RALGPS1: variants seen among roughly 807,000 people sequenced by gnomAD.
RALGPS1 encodes the protein Ral GEF with PH domain and SH3 binding motif 1.
In RALGPS1, 19 loss-of-function variants were observed where a neutral mutation model predicts 78.8. That is an observed-to-expected ratio of 0.24 (90% CI 0.17 to 0.35). The LOEUF is 0.35. RALGPS1 is among the 10% of genes least tolerant of loss of function. The pLI is 1.00. For synonymous variants in RALGPS1, 228 were observed against 256.3 expected (o/e 0.89, Z 1.06); for missense variants, 454 against 688.3 (o/e 0.66, Z 3.81).
chr9:126,992,530 A>T (rs1329983992), intron 4 of RALGPS1, among the ~76,000 whole-genome samples: 1 of 152,228 alleles, frequency 6.6e-6, no homozygotes, highest in Non-Finnish European at 1.5e-5. Flanking sequence ...TTTTAGGATC[A>T]ACTTGTTAAG....
At chr9:127,050,602 G>T (rs1233532863) in intron 6 of RALGPS1, among the ~76,000 whole-genome samples, 2 of 152,180 alleles carry the variant, frequency 1.3e-5, no homozygotes, top group Non-Finnish European at 2.9e-5. Flanking sequence ...TCAGGTCTGG[G>T]CCAGATGACT....
chr9:126,925,789 G>A (rs1217191229), intron 1 of RALGPS1, among the ~76,000 whole-genome samples: 1 of 152,144 alleles, frequency 6.6e-6, no homozygotes, highest in Admixed American at 6.5e-5. Context: ...TTTCCTGCTA[G>A]GGGAGTCAGA....
At position 126,923,970 on chromosome 9, in the gene RALGPS1, G is replaced by A. The variant is rs571828751; in HGVS notation, c.-66+8995G>A. On this transcript the variant is annotated intron_variant, in intron 1 of 18. Coordinates refer to ENST00000259351, the MANE Select transcript of RALGPS1 (RefSeq NM_014636.3). ...ATCTGCTATGGGACACTTTGGCAAT[G>A]AGCATCACTATGGCCTTTGTGCTTA... 3.9e-5 allele frequency among the ~76,000 whole-genome samples: 6 copies of A among 152,346 alleles called. No individual in the cohort carries two copies. The South Asian group carries it at 1.2e-3, about 32-fold the overall frequency.
chr9:127,096,890 C>T (rs1422301475), intron 8 of RALGPS1, among the ~76,000 whole-genome samples: 1 of 152,174 alleles, frequency 6.6e-6, no homozygotes, highest in Non-Finnish European at 1.5e-5. Flanking sequence ...GGTGACCCTC[C>T]TGACACTCCT....
At chr9:127,168,175 G>A (rs1220015827) in intron 9 of RALGPS1, among the ~76,000 whole-genome samples, 1 of 152,216 alleles carries the variant, frequency 6.6e-6, no homozygotes, top group Non-Finnish European at 1.5e-5. Context: ...GGGTGCAGCA[G>A]CTCCAGTCAT....
At chr9:126,934,331 T>G (rs1199851758) in intron 1 of RALGPS1, among the ~76,000 whole-genome samples, 2 of 152,230 alleles carry the variant, frequency 1.3e-5, no homozygotes, top group Non-Finnish European at 2.9e-5. Context: ...GAAAGAGATG[T>G]GCTGGGAAGG....
At chr9:127,136,193 T>G (rs907988346) in intron 8 of RALGPS1, among the ~76,000 whole-genome samples, 24 of 152,164 alleles carry the variant, frequency 1.6e-4, no homozygotes, top group African/African-American at 5.8e-4. Flanking sequence ...CCAAGGAGTC[T>G]CTGCACACTC....
At position 127,182,360 on chromosome 9, in the gene RALGPS1, TCCTTCCTTCCTCCCTCCCTCCCTC is replaced by T. The variant is rs1357389563; in HGVS notation, c.910+7582_910+7605del. ...TTCCTTCCTTCCTTCCTCCCTTCCT[TCCTTCCTTCCTCCCTCCCTCCCTC>T]CCTCCCTCCCTCCCTTCCTTCCTCC... On this transcript the variant is annotated intron_variant, in intron 11 of 18. Transcript: ENST00000259351. 1.8e-3 allele frequency among the ~76,000 whole-genome samples: 77 copies of T among 43,476 alleles called. 1 individual carries two copies. Among genetic ancestry groups the T allele is most frequent in the East Asian group, 7.0e-3 (12 of 1,706 alleles). The allele number at this position is 43,476 out of a possible 152,430, so 28.5% of individuals were successfully genotyped here. A position where few individuals can be genotyped will look rare whatever the true frequency, so the allele number is the denominator to read the frequency against.
At chr9:126,947,109 T>G (rs2037350217) in intron 1 of RALGPS1, among the ~76,000 whole-genome samples, 1 of 152,168 alleles carries the variant, frequency 6.6e-6, no homozygotes, top group Admixed American at 6.6e-5. Context: ...TTTCATTGCC[T>G]CCCCTTCAAA....
intron 7 of RALGPS1, among the ~76,000 whole-genome samples, chr9:127,068,527 G>A (rs1242542140): frequency 2.6e-5 from 4 of 152,172 alleles, no homozygotes; most frequent in African/African-American, 7.2e-5. Flanking sequence ...GGGCCAGGTC[G>A]CTTTGGGGGA....
At chr9:126,931,301 G>A (rs2035765876) in intron 1 of RALGPS1, among the ~76,000 whole-genome samples, 1 of 152,186 alleles carries the variant, frequency 6.6e-6, no homozygotes, top group Non-Finnish European at 1.5e-5. Context: ...AAGAAGAGAG[G>A]GAGGATGACT....
At chr9:127,175,654 G>A (rs2059820006) in intron 11 of RALGPS1, among the ~76,000 whole-genome samples, 1 of 145,182 alleles carries the variant, frequency 6.9e-6, no homozygotes, top group South Asian at 2.2e-4. Flanking sequence ...TCTTGGACAA[G>A]TGACTTAACC....
At chr9:127,168,518 G>A (rs2059404012) in intron 9 of RALGPS1, among the ~76,000 whole-genome samples, 161 bp from the exon 10 acceptor site, 1 of 152,206 alleles carries the variant, frequency 6.6e-6, no homozygotes, top group Non-Finnish European at 1.5e-5. Flanking sequence ...TGTTCCAGTG[G>A]CCAGCACAGG....
At chr9:127,109,932 C>T (rs2054627206) in intron 8 of RALGPS1, among the ~76,000 whole-genome samples, 1 of 152,188 alleles carries the variant, frequency 6.6e-6, no homozygotes, top group South Asian at 2.1e-4. Flanking sequence ...AGGACACGTG[C>T]TAGATCCCTT....
chr9:127,007,126 A>C (rs149418195), intron 4 of RALGPS1, among the ~76,000 whole-genome samples: 3 of 152,222 alleles, frequency 2.0e-5, no homozygotes, highest in African/African-American at 7.2e-5. Flanking sequence ...CAGGGACCAC[A>C]TCTGTGTGTC....
At chr9:127,173,056 C>G (rs1404079522) in intron 10 of RALGPS1, among the ~76,000 whole-genome samples, 1 of 152,098 alleles carries the variant, frequency 6.6e-6, no homozygotes, top group Non-Finnish European at 1.5e-5. Context: ...GCTGGGAGGT[C>G]CAGGGGTTTT....
chr9:126,965,092 C>A (rs1330255775), intron 2 of RALGPS1, among the ~76,000 whole-genome samples: 1 of 152,194 alleles, frequency 6.6e-6, no homozygotes, highest in East Asian at 1.9e-4. Flanking sequence ...TTCGTGAAAT[C>A]AGCCACATTT....
intron 1 of RALGPS1, among the ~76,000 whole-genome samples, chr9:126,932,334 A>T (rs571905192): frequency 1.3e-5 from 2 of 152,318 alleles, no homozygotes; most frequent in Admixed American, 6.5e-5. Context: ...GACATCATCT[A>T]TCAAAGCTGA....
intron 4 of RALGPS1, among the ~76,000 whole-genome samples, chr9:127,027,798 C>A (rs982555747): frequency 2.0e-5 from 3 of 152,228 alleles, no homozygotes; most frequent in African/African-American, 7.2e-5. Context: ...AGAGCGTGGG[C>A]TCTGGAATCA....
Sources: allele counts gnomAD v4.1 joint callset (sites outside exome capture counted in the v4.1 genomes callset), GRCh38; gene constraint gnomAD v4.1.1; transcripts MANE v1.5; gene names NCBI Gene and HGNC (gene_info 2026-07-23, HGNC 2026-07-21).